UVRAG: variants seen among roughly 807,000 people sequenced by gnomAD.
UVRAG encodes UV radiation resistance associated.
A neutral mutation model predicts 78.0 loss-of-function variants in UVRAG; 19 were observed. That is an observed-to-expected ratio of 0.24 (90% confidence interval 0.17 to 0.36). UVRAG has a LOEUF of 0.36. Ranked by LOEUF, UVRAG falls within the 10% of genes least tolerant of loss-of-function variation. The pLI is 1.00. For synonymous variants in UVRAG, 323 were observed against 324.6 expected (o/e 1.00, Z 0.05); for missense variants, 740 against 853.8 (o/e 0.87, Z 1.66).
At chr11:76,129,659 T>G (rs1952477254) in intron 14 of UVRAG, among the ~76,000 whole-genome samples, 2 of 152,212 alleles carry the variant, frequency 1.3e-5, no homozygotes, top group Admixed American at 1.3e-4. Context: ...CCTCCTTTTC[T>G]TCCTCACCCT....
chr11:75,896,282 G>A (rs1565368805), intron 5 of UVRAG, among the ~76,000 whole-genome samples: 1 of 152,162 alleles, frequency 6.6e-6, no homozygotes, highest in African/African-American at 2.4e-5. Context: ...CGCTATGATG[G>A]TGATTAGGGG....
At position 76,140,900 on chromosome 11, in the gene UVRAG, G is replaced by A; in HGVS notation, c.1587G>A (p.Gln529=). The A allele has an allele frequency of 6.2e-7, 1 of 1,614,108 alleles. No individual in the cohort carries two copies. The highest frequency in any genetic ancestry group is 1.1e-5 in the South Asian group (1 of 91,074). Reference sequence around the variant, plus strand: ...CCAGTTACAACTCAGCATTAGCCCAGCCTGTGACCACCGTCCCCTCCATGG... The same window carrying A: ...CCAGTTACAACTCAGCATTAGCCCAACCTGTGACCACCGTCCCCTCCATGG... ...PPPSYNSALA[Q]PVTTVPSMGE... is the part of the protein sequence containing the mutation. Residue 529 remains glutamine, a synonymous_variant, in exon 15 of 15, where the codon CAG becomes CAA. Coordinates refer to ENST00000356136, the MANE Select transcript of UVRAG (RefSeq NM_003369.4).
chr11:76,119,990 T>C (rs1382917226), intron 14 of UVRAG, among the ~76,000 whole-genome samples: 3 of 152,222 alleles, frequency 2.0e-5, no homozygotes, highest in Non-Finnish European at 2.9e-5. Flanking sequence ...TGTGTAGTCA[T>C]GTGAATAAGC....
chr11:75,984,855 G>A (rs560038782), intron 8 of UVRAG, among the ~76,000 whole-genome samples: 1 of 152,248 alleles, frequency 6.6e-6, no homozygotes, highest in Non-Finnish European at 1.5e-5. Context: ...TTATATAAGT[G>A]TGAATTTATT....
intron 4 of UVRAG, among the ~76,000 whole-genome samples, chr11:75,882,096 T>C (rs1946958974): frequency 6.6e-6 from 1 of 152,254 alleles, no homozygotes; most frequent in South Asian, 2.1e-4. Context: ...AACCATAAAA[T>C]ATTAGTCATA....
intron 1 of UVRAG, among the ~76,000 whole-genome samples, chr11:75,820,406 G>A (rs1054463038): frequency 6.7e-6 from 1 of 149,804 alleles, no homozygotes; most frequent in African/African-American, 2.5e-5. Context: ...CCAAGCTGGA[G>A]TGGAGTGGTG....
intron 3 of UVRAG, among the ~76,000 whole-genome samples, chr11:75,877,158 G>GT (rs988256261): frequency 2.6e-5 from 4 of 151,896 alleles, no homozygotes; most frequent in African/African-American, 9.7e-5. Flanking sequence ...AGAGCACAGG[G>GT]TTGGGGGGTA....
At chr11:76,122,206 C>T (rs540836337) in intron 14 of UVRAG, among the ~76,000 whole-genome samples, 16 of 152,124 alleles carry the variant, frequency 1.1e-4, no homozygotes, top group Non-Finnish European at 2.1e-4. Context: ...CTTTAGTTCC[C>T]GGTGTGAGGG....
chr11:75,952,140 G>T (rs1238049277), intron 6 of UVRAG, among the ~76,000 whole-genome samples: 1 of 151,982 alleles, frequency 6.6e-6, no homozygotes, highest in African/African-American at 2.4e-5. Flanking sequence ...TTAAACTCTT[G>T]CAATTTGCCG....
chr11:76,135,144 C>T (rs946817366), intron 14 of UVRAG, among the ~76,000 whole-genome samples: 15 of 149,050 alleles, frequency 1.0e-4, no homozygotes, highest in Admixed American at 4.0e-4. Flanking sequence ...TTCCACAAAA[C>T]GGGTACCTGG....
intron 6 of UVRAG, among the ~76,000 whole-genome samples, chr11:75,953,930 ATTTC>A (rs998838615): frequency 1.1e-4 from 16 of 152,282 alleles, no homozygotes; most frequent in African/African-American, 3.6e-4. Flanking sequence ...CATGATATAT[ATTTC>A]TTTCTTTATA....
At chr11:75,943,224 T>C (rs556530125) in intron 6 of UVRAG, among the ~76,000 whole-genome samples, 2 of 152,152 alleles carry the variant, frequency 1.3e-5, no homozygotes, top group Admixed American at 6.5e-5. Flanking sequence ...TTTGTAGTTA[T>C]CGATCTATTC....
At chr11:75,844,965 C>T (rs957045741) in intron 1 of UVRAG, among the ~76,000 whole-genome samples, 7 of 152,112 alleles carry the variant, frequency 4.6e-5, no homozygotes, top group African/African-American at 1.7e-4. Context: ...CATGACCAGC[C>T]AGATGTTTCA....
At chr11:76,073,823 A>G (rs1173840189) in intron 13 of UVRAG, among the ~76,000 whole-genome samples, 3 of 152,132 alleles carry the variant, frequency 2.0e-5, no homozygotes, top group Non-Finnish European at 2.9e-5. Flanking sequence ...AATATCCACA[A>G]CCATCTGAAA....
intron 14 of UVRAG, among the ~76,000 whole-genome samples, chr11:76,132,359 C>T (rs933969493): frequency 6.6e-5 from 10 of 151,440 alleles, no homozygotes; most frequent in Middle Eastern, 3.4e-3. Flanking sequence ...AGATTTTGGC[C>T]GGGAGCCAGA....
In UVRAG at chr11:76,098,106, A is replaced by T. The variant is rs575615326; in HGVS notation, c.1306-17818A>T. 2.0e-5 allele frequency among the ~76,000 whole-genome samples: 3 copies of T among 152,200 alleles called. No individual in the cohort carries two copies. In the East Asian group the frequency reaches 5.8e-4, roughly 29 times the overall value. On this transcript the variant is annotated intron_variant, in intron 13 of 14. Transcript: ENST00000356136. ...GTCTTATCTCTTCTAGACACGCTTG[A>T]ATCAGTTGAGATCCAAAATAGCAAC...
intron 8 of UVRAG, among the ~76,000 whole-genome samples, chr11:76,003,200 T>G (rs1949852847): frequency 6.8e-6 from 1 of 146,880 alleles, no homozygotes; most frequent in South Asian, 2.2e-4. Context: ...CATGTAAAAA[T>G]AGTTGAAAAA....
intron 6 of UVRAG, among the ~76,000 whole-genome samples, chr11:75,927,597 AAAG>A (rs1948138720): frequency 6.6e-6 from 1 of 152,218 alleles, no homozygotes; most frequent in Non-Finnish European, 1.5e-5. Context: ...GAAGAAAAAT[AAAG>A]TAGTAGGAGG....
intron 7 of UVRAG, among the ~76,000 whole-genome samples, chr11:75,974,018 G>C (rs1423068363): frequency 2.6e-5 from 4 of 152,168 alleles, no homozygotes; most frequent in Admixed American, 2.0e-4. Context: ...ATAAACATAT[G>C]TGTGCATGTG....
Sources: allele counts gnomAD v4.1 joint callset (sites outside exome capture counted in the v4.1 genomes callset), GRCh38; gene constraint gnomAD v4.1.1; transcripts MANE v1.5; gene names NCBI Gene and HGNC (gene_info 2026-07-23, HGNC 2026-07-21).